Variants in SS18 observed in about 807,000 individuals in gnomAD.
The protein encoded by SS18 is SS18 subunit of BAF chromatin remodeling complex.
A neutral mutation model predicts 72.5 loss-of-function variants in SS18; 28 were observed. That is an observed-to-expected ratio of 0.39 (90% CI 0.29 to 0.53). The LOEUF is 0.53. Ranked by LOEUF, SS18 falls within the 20% of genes least tolerant of loss-of-function variation. SS18 has a pLI of 0.76. For synonymous variants in SS18, 172 were observed against 164.2 expected (o/e 1.05, Z -0.37); for missense variants, 518 against 535.3 (o/e 0.97, Z 0.32).
upstream of SS18, chr18:26,090,649 G>A: frequency 2.1e-6 from 3 of 1,422,802 alleles, no homozygotes; most frequent in African/African-American, 2.8e-5. Flanking sequence ...CGGCCTCTCG[G>A]GCTGAACCAC....
intron 5 of SS18, among the ~76,000 whole-genome samples, chr18:26,046,724 T>C (rs991952389): frequency 2.0e-5 from 3 of 152,218 alleles, no homozygotes; most frequent in Non-Finnish European, 2.9e-5. Context: ...AAGTCCCTCT[T>C]TCAATTATCC....
chr18:26,081,993 G>C (rs148704012), intron 2 of SS18, among the ~76,000 whole-genome samples: 1 of 152,074 alleles, frequency 6.6e-6, no homozygotes, highest in Non-Finnish European at 1.5e-5. Flanking sequence ...AGGAGGTTGA[G>C]GCTGCAGTGA....
Position 26,051,411 on chromosome 18 carries a change from C to T in SS18, c.607+1213G>A, listed in dbSNP as rs1233096149. Among the ~76,000 whole-genome samples, 6 of 152,046 alleles carry T rather than the reference C, an allele frequency of 3.9e-5. No individual in the cohort carries two copies. The East Asian group carries it at 9.6e-4, about 24-fold the overall frequency. On this transcript the variant is annotated intron_variant, in intron 5 of 10. Transcript: ENST00000415083. ...TTGCTATATGCATTATTTTTTTCTT[C>T]GAATCTTATTATGTCATATCAAACC...
chr18:26,027,703 A>AAAAAAGAC lies in SS18; in HGVS notation c.1230+4695_1230+4696insGTCTTTTT, dbSNP rs1555643837. On this transcript the variant is annotated intron_variant, in intron 10 of 10. Transcript: ENST00000415083. ...AAAAAAAAAAAAAAAAAAAAAAAAA[A>AAAAAAGAC]AGTCTTTTCAACAAATGACTCTGAG... is the stretch of plus-strand genomic sequence containing the variant. 1.1e-3 allele frequency among the ~76,000 whole-genome samples: 132 copies of AAAAAAGAC among 124,702 alleles called. 15 individuals are homozygous for AAAAAAGAC. Among genetic ancestry groups the AAAAAAGAC allele is most frequent in the African/African-American group, 4.6e-3 (129 of 28,036 alleles). 81.8% of individuals were successfully genotyped at this position (124,702 alleles called of 152,430 possible). A position where few individuals can be genotyped will look rare whatever the true frequency, so the allele number is the denominator to read the frequency against.
At chr18:26,056,929 T>C (rs1271624670) in intron 4 of SS18, among the ~76,000 whole-genome samples, 2 of 152,206 alleles carry the variant, frequency 1.3e-5, no homozygotes, top group Non-Finnish European at 2.9e-5. Context: ...GCATCCAATG[T>C]CTTAAAACAT....
chr18:26,053,330 CACTA>C (rs2053956199), intron 4 of SS18, among the ~76,000 whole-genome samples: 3 of 150,402 alleles, frequency 2.0e-5, no homozygotes, highest in Non-Finnish European at 4.4e-5. Context: ...TCATTTGTTC[CACTA>C]ACTAATTCTA....
intron 2 of SS18, among the ~76,000 whole-genome samples, chr18:26,083,038 C>T (rs1568033610): frequency 6.6e-6 from 1 of 152,072 alleles, no homozygotes; most frequent in Non-Finnish European, 1.5e-5. Context: ...CTGTTAAGGT[C>T]GAGAGGAGGA....
chr18:26,025,706 C>A lies in SS18; in HGVS notation c.1230+6693G>T, dbSNP rs75266598. ...AAATTTATAATTTAAAAATTTCTCACAAAAAAAACTACAAACCCAGATGGC... is the reference window on the plus strand; with the variant it reads ...AAATTTATAATTTAAAAATTTCTCAAAAAAAAAACTACAAACCCAGATGGC... On this transcript the variant is annotated intron_variant, in intron 10 of 10. Coordinates refer to ENST00000415083, the MANE Select transcript of SS18 (RefSeq NM_001007559.3). Among the ~76,000 whole-genome samples, 714 of 151,646 alleles carry A rather than the reference C, an allele frequency of 4.7e-3. 22 individuals are homozygous for A. In the East Asian group the frequency reaches 0.062, roughly 13 times the overall value.
chr18:26,025,159 G>A (rs1454223505), intron 10 of SS18, among the ~76,000 whole-genome samples: 1 of 151,904 alleles, frequency 6.6e-6, no homozygotes, highest in Non-Finnish European at 1.5e-5. Flanking sequence ...TGTGTTGTGG[G>A]TCAAAAAAGA....
At chr18:26,068,939 G>A (rs532704847) in intron 3 of SS18, among the ~76,000 whole-genome samples, 1 of 152,238 alleles carries the variant, frequency 6.6e-6, no homozygotes, top group South Asian at 2.1e-4. Context: ...TTCAAACGCA[G>A]TACTCACAAT....
intron 2 of SS18, among the ~76,000 whole-genome samples, chr18:26,085,352 A>C (rs2054598396): frequency 6.6e-6 from 1 of 152,176 alleles, no homozygotes; most frequent in South Asian, 2.1e-4. Context: ...AAAGTTCTTT[A>C]AGACACCACT....
intron 4 of SS18, among the ~76,000 whole-genome samples, chr18:26,057,291 C>T (rs1313726350): frequency 1.3e-5 from 2 of 152,136 alleles, no homozygotes; most frequent in African/African-American, 2.4e-5. Context: ...CATGGTGCAA[C>T]GCCTTTTTTT....
chr18:26,074,968 T>C (rs2054385624), intron 3 of SS18, among the ~76,000 whole-genome samples: 1 of 151,942 alleles, frequency 6.6e-6, no homozygotes, highest in African/African-American at 2.4e-5. Context: ...GCTTTTACTT[T>C]ATTTTCATGC....
intron 5 of SS18, among the ~76,000 whole-genome samples, chr18:26,041,132 A>ATTGAG (rs2143898928): frequency 6.6e-6 from 1 of 152,350 alleles, no homozygotes; most frequent in Non-Finnish European, 1.5e-5. Flanking sequence ...AAGCTATAAC[A>ATTGAG]AATTCGTAAG....
chr18:26,069,893 G>GT lies in SS18; in HGVS notation c.231+8182dup, dbSNP rs568218020. Reference sequence around the variant, plus strand: ...GCAGATGATAAAAAATAAATTAACAGTAACTAATATGAAATTAAAACATAG... The same window carrying GT: ...GCAGATGATAAAAAATAAATTAACAGTTAACTAATATGAAATTAAAACATAG... On this transcript the variant is annotated intron_variant, in intron 3 of 10. Coordinates refer to ENST00000415083, the MANE Select transcript of SS18 (RefSeq NM_001007559.3). 7.9e-5 allele frequency among the ~76,000 whole-genome samples: 12 copies of GT among 152,272 alleles called. No individual in the cohort carries two copies. In the South Asian group the frequency reaches 1.9e-3, roughly 24 times the overall value.
At chr18:26,042,636 CAAA>C (rs34743017) in intron 5 of SS18, among the ~76,000 whole-genome samples, 10 of 93,632 alleles carry the variant, frequency 1.1e-4, no homozygotes, top group African/African-American at 6.6e-5. Flanking sequence ...AGTCAGTGGT[CAAA>C]AAAAAAAAAA....
intron 10 of SS18, among the ~76,000 whole-genome samples, chr18:26,027,948 T>G (rs1303028548): frequency 6.6e-6 from 1 of 151,990 alleles, no homozygotes; most frequent in Non-Finnish European, 1.5e-5. Flanking sequence ...AAGAAAAAAC[T>G]GATAAACTAA....
chr18:26,051,834 T>G (rs1251144989), intron 5 of SS18, among the ~76,000 whole-genome samples: 1 of 152,198 alleles, frequency 6.6e-6, no homozygotes, highest in African/African-American at 2.4e-5. Flanking sequence ...ATTATATTAT[T>G]TCATCATAAG....
chr18:26,068,422 G>C (rs962990522), intron 3 of SS18: 7 of 152,148 alleles, frequency 4.6e-5, no homozygotes, highest in Non-Finnish European at 8.8e-5. Context: ...GCTTTTTGTA[G>C]TCCTTGGTGT....
Sources: gnomAD v4.1 joint callset for allele counts (sites outside exome capture counted in the v4.1 genomes callset) on GRCh38, gnomAD v4.1.1 for gene constraint, MANE v1.5 for transcripts, NCBI Gene and HGNC (gene_info 2026-07-23, HGNC 2026-07-21) for gene names.